GSR: variants seen among roughly 807,000 people sequenced by gnomAD.
GSR encodes glutathione reductase, mitochondrial.
GSR carries 48 observed loss-of-function variants against 56.5 expected under a neutral mutation model. That is an observed-to-expected ratio of 0.85 (90% CI 0.67 to 1.08). The LOEUF (loss-of-function observed/expected upper bound fraction) is 1.08. GSR is among the 50% of genes least tolerant of loss of function. The pLI, the probability that GSR is intolerant of heterozygous loss-of-function variation, is 0.00. For missense variants in GSR, 694 were observed against 703.3 expected, an observed-to-expected ratio of 0.99 and a Z score of 0.15; for synonymous variants, 264 against 270.8, an observed-to-expected ratio of 0.97 and a Z score of 0.25.
intron 6 of GSR, among the ~76,000 whole-genome samples, chr8:30,699,486 C>CTCTT (rs747783334): frequency 1.3e-4 from 20 of 151,946 alleles, no homozygotes; most frequent in Non-Finnish European, 2.4e-4. Flanking sequence ...CACTCTCTCT[C>CTCTT]TCTTTCTTTC....
intron 8 of GSR, among the ~76,000 whole-genome samples, chr8:30,690,623 G>A (rs1313221158): frequency 6.6e-6 from 1 of 152,186 alleles, no homozygotes; most frequent in Non-Finnish European, 1.5e-5. Flanking sequence ...GGTCTATACT[G>A]AAAAGGTGAG....
intron 1 of GSR, 80 bp downstream of exon 1, chr8:30,727,450 C>T: frequency 7.6e-7 from 1 of 1,319,026 alleles, no homozygotes; most frequent in Non-Finnish European, 1.0e-6. Context: ...ACAGGATCGC[C>T]ATAGGAACGA....
intron 1 of GSR, among the ~76,000 whole-genome samples, chr8:30,720,306 G>A (rs1804489349): frequency 6.6e-6 from 1 of 152,114 alleles, no homozygotes; most frequent in Non-Finnish European, 1.5e-5. Flanking sequence ...CTTCTTTGCT[G>A]CCTAAAATCT....
chr8:30,721,544 T>C (rs943569223), intron 1 of GSR, among the ~76,000 whole-genome samples: 1 of 151,898 alleles, frequency 6.6e-6, no homozygotes, highest in African/African-American at 2.4e-5. Context: ...TCCCAGCTAC[T>C]CAGGAGGCTG....
chr8:30,727,431 C>T (rs1223709955), intron 1 of GSR, 99 bp downstream of exon 1: 2 of 1,174,298 alleles, frequency 1.7e-6, no homozygotes, highest in East Asian at 2.9e-5. Flanking sequence ...GAAAGCCCAG[C>T]GCCGGGGGAC....
intron 1 of GSR, among the ~76,000 whole-genome samples, chr8:30,715,494 G>C (rs1409382948): frequency 6.6e-6 from 1 of 152,166 alleles, no homozygotes; most frequent in Admixed American, 6.6e-5. Context: ...TCGAAACTCT[G>C]TGGGAAGAAC....
chr8:30,704,980 A>T (rs1803875470), intron 4 of GSR: 1 of 152,194 alleles, frequency 6.6e-6, no homozygotes, highest in East Asian at 1.9e-4. Flanking sequence ...TTTCCTTTGC[A>T]ATATAGAATT....
At chr8:30,712,401 C>A (rs895364887) in intron 1 of GSR, among the ~76,000 whole-genome samples, 2 of 152,146 alleles carry the variant, frequency 1.3e-5, no homozygotes, top group Non-Finnish European at 2.9e-5. Context: ...CCAAGATGGG[C>A]CAGGGCTTGG....
intron 2 of GSR, among the ~76,000 whole-genome samples, chr8:30,710,714 CAAAAAAAAAAAAAAAAAAA>C (rs60532553): frequency 4.3e-4 from 22 of 51,032 alleles, no homozygotes; most frequent in Admixed American, 1.7e-3. Flanking sequence ...GACTCTGTCT[CAAAAAAAAAAAAAAAAAAA>C]AAAAAAAAAA....
intron 1 of GSR, among the ~76,000 whole-genome samples, chr8:30,718,446 C>G (rs945499566): frequency 3.9e-5 from 6 of 152,186 alleles, no homozygotes; most frequent in African/African-American, 1.4e-4. Flanking sequence ...GTATATAAAG[C>G]ATCTATTTCT....
chr8:30,714,094 C>A (rs1441906311), intron 1 of GSR, among the ~76,000 whole-genome samples: 1 of 151,376 alleles, frequency 6.6e-6, no homozygotes, highest in African/African-American at 2.4e-5. Context: ...TATTCATATG[C>A]AGTATGTGTG....
intron 1 of GSR, among the ~76,000 whole-genome samples, chr8:30,714,306 G>A (rs1804254287): frequency 6.9e-6 from 1 of 145,508 alleles, no homozygotes; most frequent in Admixed American, 7.2e-5. Flanking sequence ...CCGCTCCCCG[G>A]GATCAAACAA....
intron 9 of GSR, among the ~76,000 whole-genome samples, chr8:30,684,931 T>A (rs1178962632): frequency 3.3e-3 from 1 of 304 alleles, no homozygotes. Flanking sequence ...TAACATACAT[T>A]TATTTATTTA....
chr8:30,689,860 T>TTTATATATAAATATATGTATA (rs1184205821), intron 8 of GSR, among the ~76,000 whole-genome samples: 1 of 142,338 alleles, frequency 7.0e-6, no homozygotes, highest in Non-Finnish European at 1.5e-5. Context: ...TATAAATATA[T>TTTATATATAAATATATGTATA]TTATATATAA....
At position 30,727,545 on chromosome 8, in the gene GSR, C is replaced by T. The variant is rs1168131153; in HGVS notation, c.291G>A (p.Lys97=). 1 of 1,536,994 alleles carries T rather than the reference C, an allele frequency of 6.5e-7. No individual in the cohort carries two copies. Among genetic ancestry groups the T allele is most frequent in the Non-Finnish European group, 8.7e-7 (1 of 1,145,078 alleles). The change falls in exon 1 of 13, where the codon AAG becomes AAA. Residue 97 remains lysine (K), a synonymous_variant. Coordinates refer to ENST00000221130, the MANE Select transcript of GSR (RefSeq NM_000637.5). ...GARAAVVESH[K]LGGTCVNVGC... ...CGGTACTCACGCAAGTGCCACCCAG[C>T]TTGTGGCTCTCCACCACGGCGGCCC...
At chr8:30,712,280 G>A (rs991238414) in intron 1 of GSR, among the ~76,000 whole-genome samples, 192 bp from the exon 2 acceptor site, 1 of 152,140 alleles carries the variant, frequency 6.6e-6, no homozygotes, top group African/African-American at 2.4e-5. Flanking sequence ...ATGAGGGAGA[G>A]AAGTTCATTC....
At chr8:30,687,007 T>C (rs539403362) in intron 9 of GSR, among the ~76,000 whole-genome samples, 13 of 151,870 alleles carry the variant, frequency 8.6e-5, no homozygotes, top group Admixed American at 8.5e-4. Flanking sequence ...TGGCTAATTT[T>C]TGTATTATTA....
chr8:30,693,614 C>T (rs183791550), intron 7 of GSR, among the ~76,000 whole-genome samples: 17 of 152,062 alleles, frequency 1.1e-4, no homozygotes, highest in Admixed American at 3.3e-4. Context: ...CTGCAACCTC[C>T]GCCTCCTGGA....
At position 30,709,864 on chromosome 8, in the gene GSR, A is replaced by G. The variant is rs1348977169; in HGVS notation, c.372T>C (p.His124=). The change falls in exon 3 of 13, where the codon CAT becomes CAC. Residue 124 remains histidine, a synonymous_variant. Transcript: ENST00000221130. ...WNTAVHSEFM[H]DHADYGFPSC... ...TTGGAAAGCCATAATCAGCATGATCATGCATGAATTCAGAGTGGACAGCTG... is the reference window on the plus strand; with the variant it reads ...TTGGAAAGCCATAATCAGCATGATCGTGCATGAATTCAGAGTGGACAGCTG... 2 of 1,586,024 alleles carry G rather than the reference A, an allele frequency of 1.3e-6. No homozygotes were observed. The highest frequency in any genetic ancestry group is 1.3e-5 in the African/African-American group (1 of 74,160).
Sources: allele counts gnomAD v4.1 joint callset (sites outside exome capture counted in the v4.1 genomes callset), GRCh38; gene constraint gnomAD v4.1.1; transcripts MANE v1.5; gene names NCBI Gene and HGNC (gene_info 2026-07-23, HGNC 2026-07-21).